NBEAL1: variants seen among roughly 807,000 people sequenced by gnomAD.
The protein encoded by NBEAL1 is neurobeachin-like protein 1.
In NBEAL1, 273 loss-of-function variants were observed where a neutral mutation model predicts 351.3. The ratio of observed to expected loss-of-function variants is 0.78; its 90% CI spans 0.70 to 0.86. The LOEUF (loss-of-function observed/expected upper bound fraction) is 0.86, where lower values mean the gene tolerates loss of function less well. Ranked by LOEUF, NBEAL1 falls within the 40% of genes least tolerant of loss-of-function variation. The pLI is 0.00. For missense variants in NBEAL1, 2,961 were observed against 3,201.3 expected (o/e 0.92, Z 1.81); for synonymous variants, 1,050 against 1,086.4 (o/e 0.97, Z 0.66).
intron 10 of NBEAL1, among the ~76,000 whole-genome samples, chr2:203,095,758 TG>T (rs2062170928): frequency 1.3e-5 from 2 of 152,250 alleles, no homozygotes; most frequent in South Asian, 4.1e-4. Context: ...ACCTTTCATT[TG>T]TTTTTTGTTT....
At chr2:203,086,768 C>T (rs762171039) in intron 10 of NBEAL1, among the ~76,000 whole-genome samples, 6 of 152,208 alleles carry the variant, frequency 3.9e-5, no homozygotes, top group Admixed American at 6.5e-5. Context: ...CTCCTGACCT[C>T]AGGTGATTGG....
intron 36 of NBEAL1, among the ~76,000 whole-genome samples, chr2:203,159,449 T>A (rs2063887442): frequency 6.6e-6 from 1 of 152,224 alleles, no homozygotes; most frequent in South Asian, 2.1e-4. Flanking sequence ...ACATTTTCTG[T>A]AACTCCTACA....
chr2:203,111,525 C>T (rs1231547123), intron 15 of NBEAL1, among the ~76,000 whole-genome samples: 1 of 151,986 alleles, frequency 6.6e-6, no homozygotes. Flanking sequence ...CGCCTGCCAC[C>T]ATGCCCGGCT....
intron 7 of NBEAL1, among the ~76,000 whole-genome samples, chr2:203,075,978 C>T (rs2061764698): frequency 6.6e-6 from 1 of 152,084 alleles, no homozygotes; most frequent in South Asian, 2.1e-4. Context: ...TTTTTGGTAA[C>T]ATTTGTTATT....
chr2:203,123,234 TTAATC>T (rs2062866107), intron 19 of NBEAL1, among the ~76,000 whole-genome samples: 1 of 151,904 alleles, frequency 6.6e-6, no homozygotes, highest in Non-Finnish European at 1.5e-5. Flanking sequence ...TATGTAGAAA[TTAATC>T]TATCAATTAG....
chr2:203,039,042 T>C (rs2061085436), intron 2 of NBEAL1, among the ~76,000 whole-genome samples: 2 of 148,486 alleles, frequency 1.3e-5, no homozygotes, highest in Non-Finnish European at 3.0e-5. Flanking sequence ...ATACCAGTTA[T>C]CTTTTTTTTC....
At chr2:203,057,753 T>TG (rs1358047075) in intron 6 of NBEAL1, among the ~76,000 whole-genome samples, 1 of 5,910 alleles carries the variant, frequency 1.7e-4, no homozygotes, top group Non-Finnish European at 6.1e-3. Flanking sequence ...AGAAAAGTTA[T>TG]TTTTTAAAAA....
Position 203,047,625 on chromosome 2 carries a change from C to T in NBEAL1, c.144-2189C>T, listed in dbSNP as rs115180114. Among the ~76,000 whole-genome samples the T allele has an allele frequency of 3.3e-3, 496 of 152,202 alleles. 1 individual carries two copies. The highest frequency in any genetic ancestry group is 0.011 in the African/African-American group (469 of 41,524). On this transcript the variant is annotated intron_variant, in intron 3 of 55. Coordinates refer to ENST00000683969, the MANE Select transcript of NBEAL1 (RefSeq NM_001378026.1). Reference sequence around the variant, plus strand: ...TCTGCTGTAATGCCTTCTGTGGCAGCACAGGAATTGTCTACCCATTCAGGT... The same window carrying T: ...TCTGCTGTAATGCCTTCTGTGGCAGTACAGGAATTGTCTACCCATTCAGGT...
At chr2:203,208,187 A>G (rs558279523) in intron 51 of NBEAL1, among the ~76,000 whole-genome samples, 4 of 152,178 alleles carry the variant, frequency 2.6e-5, no homozygotes, top group South Asian at 4.1e-4. Flanking sequence ...CAGGGAGGCT[A>G]AGGTGGGAGG....
intron 14 of NBEAL1, among the ~76,000 whole-genome samples, chr2:203,108,839 G>T (rs2062499026): frequency 1.3e-5 from 2 of 152,100 alleles, no homozygotes. Context: ...CTGAGGCCAG[G>T]AGTTCAGGAC....
chr2:203,216,836 CTA>C (rs1418566130), intron 55 of NBEAL1, among the ~76,000 whole-genome samples: 1 of 152,102 alleles, frequency 6.6e-6, no homozygotes, highest in African/African-American at 2.4e-5. Flanking sequence ...GAGAGTTTCA[CTA>C]TGATGCCCAG....
At position 203,116,039 on chromosome 2, in the gene NBEAL1, C is replaced by T. The variant is rs969489836; in HGVS notation, c.2561C>T (p.Pro854Leu). 1 of 1,553,614 alleles carries T rather than the reference C, an allele frequency of 6.4e-7. No individual in the cohort carries two copies. Among genetic ancestry groups the T allele is most frequent in the Non-Finnish European group, 8.7e-7 (1 of 1,147,366 alleles). ...KCQESDMADL[P>L]GNILLYYTAK... ...CAAGAGTCTGACATGGCCGACCTGC[C>T]TGGTAACATCCTTCTTTACTACACA... Residue 854 changes from proline to leucine, a missense_variant, in exon 18 of 56, where the codon CCT (proline) becomes CTT (leucine). By Grantham distance (98) the Pro-to-Leu change is moderately conservative (BLOSUM62 -3). Transcript: ENST00000683969.
chr2:203,138,084 C>CTCTTT, intron 29 of NBEAL1, 78 bp from the exon 30 acceptor site: 1 of 1,334,772 alleles, frequency 7.5e-7, no homozygotes, highest in South Asian at 1.4e-5. Context: ...GCCTCTCAAG[C>CTCTTT]TATTTTGTTT....
rs138629877 is a variant in NBEAL1, at chr2:203,195,159, A to T, written c.7038+1248A>T. On this transcript the variant is annotated intron_variant, in intron 47 of 55. Transcript: ENST00000683969. ...CAGTGAGCCGAGATCACGCCACTGCACTCAGAGCGAGACTCCATCTCAAAA... is the reference window on the plus strand; with the variant it reads ...CAGTGAGCCGAGATCACGCCACTGCTCTCAGAGCGAGACTCCATCTCAAAA... 2.1e-4 allele frequency among the ~76,000 whole-genome samples: 32 copies of T among 151,754 alleles called. No homozygotes were observed. In the East Asian group the frequency reaches 5.8e-3, roughly 28 times the overall value.
Position 203,149,140 on chromosome 2 carries a change from G to GGTTTACCGGCGTGA in NBEAL1, c.5455_5456insTTTACCGGCGTGAG (p.Ala1819ValfsTer17). On this transcript the variant is annotated frameshift_variant, in exon 34 of 56. Coordinates refer to ENST00000683969, the MANE Select transcript of NBEAL1 (RefSeq NM_001378026.1). LOFTEE classifies it high-confidence loss of function. ...ATCTTACATGTGAAAGGGGACCTTG[G>GGTTTACCGGCGTGA]GCTAAAAGGTAAGAGGATATAATTT... The GGTTTACCGGCGTGA allele has an allele frequency of 6.3e-7, 1 of 1,594,392 alleles. No homozygotes were observed. Among genetic ancestry groups the GGTTTACCGGCGTGA allele is most frequent in the Non-Finnish European group, 8.6e-7 (1 of 1,169,492 alleles).
In NBEAL1 at chr2:203,222,670, T is replaced by C. The variant is rs1559075038; in HGVS notation, c.*5316T>C. Among the ~76,000 whole-genome samples, 1 of 152,162 alleles carries C rather than the reference T, an allele frequency of 6.6e-6. No individual in the cohort carries two copies. The highest frequency in any genetic ancestry group is 6.5e-5 in the Admixed American group (1 of 15,278). ...TGCTAATATTAGTTCCTGGTGACTT[T>C]CAGTGAACGTTTTGCAAACTTGAAT... On this transcript the variant is annotated 3_prime_UTR_variant, in exon 56 of 56. Transcript: ENST00000683969.
rs561396479 is a variant in NBEAL1 at position 203,211,487 on chromosome 2, A to G, written c.7934+381A>G. Among the ~76,000 whole-genome samples the G allele has an allele frequency of 2.0e-5, 3 of 152,228 alleles. No homozygotes were observed. In the East Asian group the frequency reaches 5.8e-4, roughly 29 times the overall value. On this transcript the variant is annotated intron_variant, in intron 54 of 55. Coordinates refer to ENST00000683969, the MANE Select transcript of NBEAL1 (RefSeq NM_001378026.1). Reference sequence around the variant, plus strand: ...AGACCTCATCTCTACTAAAAATAAAAACTTTAAAAATTAGCTGAGCATGGT... The same window carrying G: ...AGACCTCATCTCTACTAAAAATAAAGACTTTAAAAATTAGCTGAGCATGGT...
At chr2:203,203,541 G>T (rs113066939) in intron 51 of NBEAL1, among the ~76,000 whole-genome samples, 5 of 151,852 alleles carry the variant, frequency 3.3e-5, no homozygotes, top group African/African-American at 1.2e-4. Flanking sequence ...AAAGTATCTA[G>T]AAATTTTCTT....
intron 4 of NBEAL1, among the ~76,000 whole-genome samples, chr2:203,050,672 T>G (rs2061310179): frequency 6.6e-6 from 1 of 152,236 alleles, no homozygotes. Context: ...AAATTAGGTC[T>G]GTGGTGCTTA....
Sources: allele counts gnomAD v4.1 joint callset (sites outside exome capture counted in the v4.1 genomes callset), GRCh38; gene constraint gnomAD v4.1.1; transcripts MANE v1.5; gene names NCBI Gene and HGNC (gene_info 2026-07-23, HGNC 2026-07-21).